The following ANKRD12 variants were observed in gnomAD, a reference collection of about 807,000 sequenced individuals.
ANKRD12 encodes the protein ankyrin repeat domain 12.
In ANKRD12, 85 loss-of-function variants were observed where a neutral mutation model predicts 183.4. That is an observed-to-expected ratio of 0.46 (90% confidence interval 0.39 to 0.56). ANKRD12 has a LOEUF of 0.56. Among genes scored for constraint, ANKRD12 ranks in the 20% least tolerant of loss-of-function variants. ANKRD12 has a pLI of 0.00. For missense variants in ANKRD12, 2,405 were observed against 2,357.1 expected (o/e 1.02, Z -0.42); for synonymous variants, 914 against 800.2 (o/e 1.14, Z -2.40).
At chr18:9,139,912 C>T (rs2078259083) in intron 1 of ANKRD12, among the ~76,000 whole-genome samples, 1 of 152,074 alleles carries the variant, frequency 6.6e-6, no homozygotes, top group African/African-American at 2.4e-5. Flanking sequence ...GTGGTTTGGC[C>T]GAGAGGTTTC....
intron 10 of ANKRD12, among the ~76,000 whole-genome samples, chr18:9,275,305 T>A (rs1598780227): frequency 1.3e-5 from 2 of 151,092 alleles, no homozygotes; most frequent in Non-Finnish European, 3.0e-5. Context: ...TCTCTAAAAA[T>A]ATATATATAT....
At chr18:9,148,874 A>C (rs1426522020) in intron 1 of ANKRD12, among the ~76,000 whole-genome samples, 1 of 152,212 alleles carries the variant, frequency 6.6e-6, no homozygotes, top group Non-Finnish European at 1.5e-5. Flanking sequence ...CACAATGACA[A>C]GGGGCTTCAT....
At chr18:9,277,003 A>G (rs2039872511) in intron 11 of ANKRD12, among the ~76,000 whole-genome samples, 2 of 152,184 alleles carry the variant, frequency 1.3e-5, no homozygotes, top group African/African-American at 2.4e-5. Context: ...AGTTTTGAGC[A>G]ATCAGAGAGA....
At chr18:9,275,160 G>T (rs1228364191) in intron 10 of ANKRD12, among the ~76,000 whole-genome samples, 6 of 152,068 alleles carry the variant, frequency 3.9e-5, no homozygotes, top group Non-Finnish European at 8.8e-5. Flanking sequence ...CTACACACCA[G>T]CCTGGGTGAC....
intron 1 of ANKRD12, among the ~76,000 whole-genome samples, chr18:9,140,462 A>G (rs917837776): frequency 2.6e-5 from 4 of 152,214 alleles, no homozygotes; most frequent in Non-Finnish European, 5.9e-5. Flanking sequence ...CCTGGAGAAT[A>G]TGAAGTTTCT....
chr18:9,204,353 A>G, intron 3 of ANKRD12, 123 bp from the exon 4 acceptor site: 2 of 710,860 alleles, frequency 2.8e-6, no homozygotes, highest in Non-Finnish European at 4.7e-6. Context: ...CTTTAAAAAT[A>G]ATCTTTTGGC....
intron 8 of ANKRD12, among the ~76,000 whole-genome samples, chr18:9,241,143 TTAAAG>T (rs778081361): frequency 2.0e-5 from 3 of 152,260 alleles, no homozygotes; most frequent in South Asian, 2.1e-4. Flanking sequence ...TTAGGAAGTT[TTAAAG>T]TAAATTTTTT....
intron 7 of ANKRD12, 78 bp from the exon 8 acceptor site, chr18:9,221,774 A>T (rs758588710): frequency 3.6e-5 from 50 of 1,392,912 alleles, no homozygotes; most frequent in Non-Finnish European, 4.9e-5. Flanking sequence ...GAAGGATACT[A>T]TGAGTATTAT....
At chr18:9,164,891 G>A (rs1394725819) in intron 1 of ANKRD12, among the ~76,000 whole-genome samples, 5 of 152,188 alleles carry the variant, frequency 3.3e-5, no homozygotes, top group Non-Finnish European at 7.3e-5. Context: ...TGAGTGGAGC[G>A]TTCTGTAGAT....
At chr18:9,268,822 A>G (rs1001733938) in intron 10 of ANKRD12, among the ~76,000 whole-genome samples, 1 of 152,174 alleles carries the variant, frequency 6.6e-6, no homozygotes, top group Non-Finnish European at 1.5e-5. Flanking sequence ...GGAAAAGAGG[A>G]AGTCAAATTG....
chr18:9,254,117 G>A (rs937848686), intron 8 of ANKRD12, 94 bp from the exon 9 acceptor site: 90 of 1,335,532 alleles, frequency 6.7e-5, no homozygotes, highest in Non-Finnish European at 8.3e-5. Context: ...AATATGTATT[G>A]TATAAGCTAT....
chr18:9,276,848 T>TCTC lies in ANKRD12; in HGVS notation c.5907+1181_5907+1182insCTC, dbSNP rs2039865994. On this transcript the variant is annotated intron_variant, in intron 11 of 12. Transcript: ENST00000262126. ...ACTGTGTGACTAAAGAAATAGGCAC[T>TCTC]GGAGAGGCCACTGAGGGACTTTCTA... Among the ~76,000 whole-genome samples, 5 of 152,348 alleles carry TCTC rather than the reference T, an allele frequency of 3.3e-5. No homozygotes were observed. The South Asian group carries it at 1.0e-3, about 32-fold the overall frequency.
intron 8 of ANKRD12, among the ~76,000 whole-genome samples, chr18:9,250,957 A>C (rs1222408408): frequency 1.2e-4 from 19 of 152,206 alleles, no homozygotes; most frequent in African/African-American, 4.3e-4. Flanking sequence ...GTCCAGGAAT[A>C]TCCAGGTTAG....
chr18:9,255,011 C>G lies in ANKRD12; in HGVS notation c.1744C>G (p.Arg582Gly), dbSNP rs187421957. ...SEMSLQPDLV[R>G]YDNTESEFLP... ...AATGTCATTACAGCCTGATCTTGTT[C>G]GGTATGATAATACAGAATCTGAATT... Residue 582 changes from arginine (R) to glycine (G), a missense_variant, in exon 9 of 13, where the codon CGG (arginine) becomes GGG (glycine). Arg to Gly is a moderately radical substitution (Grantham distance 125). Transcript: ENST00000262126. 1.9e-4 allele frequency: 312 copies of G among 1,607,434 alleles called. No individual in the cohort carries two copies. Among genetic ancestry groups the G allele is most frequent in the Non-Finnish European group, 2.6e-4 (307 of 1,177,778 alleles).
rs754371932 is a variant in ANKRD12, at chr18:9,204,504, T to C, written c.264T>C (p.Asn88=). The C allele has an allele frequency of 4.0e-5, 64 of 1,604,004 alleles. 1 individual carries two copies. The highest frequency in any genetic ancestry group is 6.8e-5 in the Admixed American group (4 of 59,164). Residue 88 remains asparagine (N), a synonymous_variant, in exon 4 of 13, where the codon AAT becomes AAC. Coordinates refer to ENST00000262126, the MANE Select transcript of ANKRD12 (RefSeq NM_015208.5). ...TDSDPGHTSE[N]WGERLISSYR... is the part of the protein sequence containing the mutation. The stretch of plus-strand genomic sequence containing the variant: ...CAGATCCAGGACATACAAGTGAAAA[T>C]TGGGGGGAGAGACTTATATCTTCTT...
intron 9 of ANKRD12, 119 bp downstream of exon 9, chr18:9,259,050 CAGTG>C (rs2038806755): frequency 2.5e-6 from 3 of 1,185,340 alleles, no homozygotes; most frequent in Non-Finnish European, 2.3e-6. Context: ...AATAATCTGT[CAGTG>C]AGTCGAGATA....
chr18:9,195,639 A>C lies in ANKRD12; in HGVS notation c.176A>C (p.Lys59Thr). 1 of 1,613,282 alleles carries C rather than the reference A, an allele frequency of 6.2e-7. No individual in the cohort carries two copies. Among genetic ancestry groups the C allele is most frequent in the Non-Finnish European group, 8.5e-7 (1 of 1,179,594 alleles). Residue 59 changes from lysine to threonine, a missense_variant, in exon 3 of 13, where the codon AAA becomes ACA. Coordinates refer to ENST00000262126, the MANE Select transcript of ANKRD12 (RefSeq NM_015208.5). ...SKEMKEKSSM[K>T]RKLPFTISPS... The stretch of plus-strand genomic sequence containing the variant: ...GAGATGAAAGAGAAATCATCCATGA[A>C]ACGTAAACTTCCTTTTACTATTAGC...
At chr18:9,169,402 T>G (rs1456501568) in intron 1 of ANKRD12, among the ~76,000 whole-genome samples, 1 of 152,226 alleles carries the variant, frequency 6.6e-6, no homozygotes, top group Non-Finnish European at 1.5e-5. Flanking sequence ...TCTTCTGTAT[T>G]GGGTGCATAT....
At chr18:9,170,049 C>G (rs2032530671) in intron 1 of ANKRD12, among the ~76,000 whole-genome samples, 1 of 152,258 alleles carries the variant, frequency 6.6e-6, no homozygotes, top group African/African-American at 2.4e-5. Context: ...TCCCCACTCT[C>G]TTCCGGCTTG....
Sources: gnomAD v4.1 joint callset for allele counts (sites outside exome capture counted in the v4.1 genomes callset) on GRCh38, gnomAD v4.1.1 for gene constraint, MANE v1.5 for transcripts, NCBI Gene and HGNC (gene_info 2026-07-23, HGNC 2026-07-21) for gene names.